Variants in LAMA3 observed in about 807,000 individuals in gnomAD.
The protein encoded by LAMA3 is laminin subunit alpha 3, also known as laminin subunit alpha-3.
In LAMA3, 281 loss-of-function variants were observed where a neutral mutation model predicts 402.0. The ratio of observed to expected loss-of-function variants is 0.70; its 90% CI spans 0.63 to 0.77. The LOEUF (loss-of-function observed/expected upper bound fraction) is 0.77, where lower values mean the gene tolerates loss of function less well. LAMA3 is among the 30% of genes least tolerant of loss of function. The pLI is 0.00. For missense variants in LAMA3, 3,840 were observed against 4,215.5 expected (o/e 0.91, Z 2.47); for synonymous variants, 1,431 against 1,558.4 (o/e 0.92, Z 1.93).
At chr18:23,815,625 T>C in intron 17 of LAMA3, 52 bp downstream of exon 17, 1 of 1,186,018 alleles carries the variant, frequency 8.4e-7, no homozygotes, top group South Asian at 1.2e-5. Context: ...TGGACAAAGA[T>C]GGTCTAAATA....
intron 60 of LAMA3, among the ~76,000 whole-genome samples, chr18:23,917,162 C>T (rs1201316388): frequency 1.3e-5 from 2 of 152,122 alleles, no homozygotes; most frequent in Admixed American, 1.3e-4. Flanking sequence ...AGGATTATGG[C>T]CTCCAGCTTC....
At chr18:23,914,325 T>A in intron 56 of LAMA3, 85 bp from the exon 57 acceptor site, 1 of 1,432,914 alleles carries the variant, frequency 7.0e-7, no homozygotes, top group Non-Finnish European at 9.8e-7. Context: ...ACCCATTAGT[T>A]ATTTGAAATG....
intron 19 of LAMA3, 117 bp from the exon 20 acceptor site, chr18:23,822,135 G>GTA: frequency 9.4e-7 from 1 of 1,067,058 alleles, no homozygotes; most frequent in African/African-American, 1.6e-5. Context: ...GTATGTGTGT[G>GTA]TATGTGTGTA....
chr18:23,921,570 T>C lies in LAMA3; in HGVS notation c.8162T>C (p.Ile2721Thr), dbSNP rs144798744. 104 of 1,613,848 alleles carry C rather than the reference T, an allele frequency of 6.4e-5. No homozygotes were observed. Among genetic ancestry groups the C allele is most frequent in the Admixed American group, 8.3e-5 (5 of 59,998 alleles). The change falls in exon 62 of 75, where the codon ATT (isoleucine) becomes ACT (threonine). Residue 2721 changes from isoleucine to threonine, a missense_variant. Transcript: ENST00000313654. ...ACATATTATCTGGGAGGAATTCCAA[T>C]TGCAATCAGGGAAAGGTAAGATGAT... ...FSTYYLGGIP[I>T]AIRERFNIST...
At position 23,842,501 on chromosome 18, in the gene LAMA3, A is replaced by T. The variant is rs751414010; in HGVS notation, c.3443A>T (p.Asp1148Val). ...ACGTTTCCCGCGCAGGTGTCGGTGG[A>T]TGGCGGGTGGCCACGGGCAGGTGAG... ...HPTFPAQVSV[D>V]GGWPRAGSFH... The change falls in exon 28 of 75, where the codon GAT becomes GTT. Residue 1148 changes from aspartate to valine, a missense_variant. Physicochemically the swap from Asp to Val is radical, Grantham distance 152. Coordinates refer to ENST00000313654, the MANE Select transcript of LAMA3 (RefSeq NM_198129.4). The T allele has an allele frequency of 2.5e-6, 4 of 1,614,188 alleles. 1 individual carries two copies. The South Asian group carries it at 4.4e-5, about 18-fold the overall frequency.
Position 23,838,701 on chromosome 18 carries a change from T to A in LAMA3, c.3094-80T>A, listed in dbSNP as rs148416963. On this transcript the variant is annotated intron_variant, in intron 25 of 74. Coordinates refer to ENST00000313654, the MANE Select transcript of LAMA3 (RefSeq NM_198129.4). ...GATAAATCCTTTACTTAATAGCTTT[T>A]TTAAAAGGGTGTTTTTGGCCATACC... 140 of 784,440 alleles carry A rather than the reference T, an allele frequency of 1.8e-4. No individual in the cohort carries two copies. In the African/African-American group the frequency reaches 1.8e-3, roughly 10 times the overall value. 48.6% of individuals were successfully genotyped at this position (784,440 alleles called of 1,614,324 possible).
intron 7 of LAMA3, among the ~76,000 whole-genome samples, chr18:23,763,053 C>T (rs2062003643): frequency 6.6e-6 from 1 of 152,084 alleles, no homozygotes; most frequent in East Asian, 1.9e-4. Flanking sequence ...GACAGGGTTT[C>T]ACCATATTGG....
At chr18:23,925,267 C>T (rs1173495696) in intron 62 of LAMA3, among the ~76,000 whole-genome samples, 1 of 152,224 alleles carries the variant, frequency 6.6e-6, no homozygotes, top group Non-Finnish European at 1.5e-5. Flanking sequence ...TTTCTTCCCC[C>T]TCTCACTGTA....
At chr18:23,740,798 A>C (rs1411956028) in intron 2 of LAMA3, among the ~76,000 whole-genome samples, 1 of 152,098 alleles carries the variant, frequency 6.6e-6, no homozygotes, top group Non-Finnish European at 1.5e-5. Flanking sequence ...TTCCCCTCAG[A>C]ATGAGATGCT....
chr18:23,742,525 A>G (rs1238137625), intron 2 of LAMA3, among the ~76,000 whole-genome samples: 1 of 152,222 alleles, frequency 6.6e-6, no homozygotes, highest in Non-Finnish European at 1.5e-5. Context: ...TATCCATAAA[A>G]TTTCTTAGAC....
At chr18:23,934,847 T>A (rs1339399775) in intron 67 of LAMA3, among the ~76,000 whole-genome samples, 1 of 152,256 alleles carries the variant, frequency 6.6e-6, no homozygotes, top group Non-Finnish European at 1.5e-5. Flanking sequence ...CCACTTAATG[T>A]CAACCACGTG....
chr18:23,909,208 C>G lies in LAMA3; in HGVS notation c.7071C>G (p.Asn2357Lys). ...TTTGGCGCAAGATTGAAAGTATCAA[C>G]CAACAGCTGTTGCCCTTGGGAAACA... Reference protein sequence around the residue: ...PDLWRKIESINQQLLPLGNIS... With the variant: ...PDLWRKIESIKQQLLPLGNIS... Residue 2357 changes from asparagine (N) to lysine (K), a missense_variant, in exon 55 of 75, where the codon AAC becomes AAG. By Grantham distance (94) the Asn-to-Lys change is moderately conservative. This residue lies in a region of LAMA3 where 891 missense variants were observed against 857.5 expected (regional missense o/e 1.04). Coordinates refer to ENST00000313654, the MANE Select transcript of LAMA3 (RefSeq NM_198129.4). 1 of 1,613,910 alleles carries G rather than the reference C, an allele frequency of 6.2e-7. No homozygotes were observed.
At chr18:23,885,969 G>T (rs1490795540) in intron 41 of LAMA3, among the ~76,000 whole-genome samples, 1 of 151,488 alleles carries the variant, frequency 6.6e-6, no homozygotes, top group Non-Finnish European at 1.5e-5. Context: ...TTTCTGTTTT[G>T]ACTTGTTTTC....
At position 23,724,128 on chromosome 18, in the gene LAMA3, A is replaced by G. The variant is rs554953856; in HGVS notation, c.447+10056A>G. Reference sequence around the variant, plus strand: ...TCTCACATATGAACGAGAACATACGATATTTGGTTTTCCATTCCTAAGTTA... The same window carrying G: ...TCTCACATATGAACGAGAACATACGGTATTTGGTTTTCCATTCCTAAGTTA... On this transcript the variant is annotated intron_variant, in intron 2 of 74. Coordinates refer to ENST00000313654, the MANE Select transcript of LAMA3 (RefSeq NM_198129.4). Among the ~76,000 whole-genome samples the G allele has an allele frequency of 1.6e-3, 237 of 152,272 alleles. 2 individuals are homozygous for G. The highest frequency in any genetic ancestry group is 6.8e-3 in the Middle Eastern group (2 of 294).
intron 27 of LAMA3, among the ~76,000 whole-genome samples, chr18:23,840,497 C>T (rs954853844): frequency 6.7e-6 from 1 of 149,622 alleles, no homozygotes; most frequent in Admixed American, 6.7e-5. Flanking sequence ...ATTCTCCCAT[C>T]TCGGCCTCCC....
intron 11 of LAMA3, among the ~76,000 whole-genome samples, chr18:23,778,530 G>A (rs994600825): frequency 1.7e-4 from 26 of 152,308 alleles, no homozygotes; most frequent in African/African-American, 5.8e-4. Context: ...AGGCCTCTGC[G>A]CTGGGTTCCA....
At position 23,718,271 on chromosome 18, in the gene LAMA3, C is replaced by A. The variant is rs550236858; in HGVS notation, c.447+4199C>A. Among the ~76,000 whole-genome samples the A allele has an allele frequency of 2.6e-5, 4 of 152,176 alleles. No individual in the cohort carries two copies. The South Asian group carries it at 6.2e-4, about 24-fold the overall frequency. On this transcript the variant is annotated intron_variant, in intron 2 of 74. Transcript: ENST00000313654. ...AAACTCCAGAGTTCTATTCTATGGG[C>A]TCCCTATGTTCACCTTCCAGCTCCC...
intron 6 of LAMA3, among the ~76,000 whole-genome samples, chr18:23,754,062 A>G (rs1199663712): frequency 6.6e-6 from 1 of 152,180 alleles, no homozygotes; most frequent in East Asian, 1.9e-4. Flanking sequence ...CCCAGCCACC[A>G]GATCACCCCC....
chr18:23,945,717 G>A (rs1272104791), intron 69 of LAMA3, among the ~76,000 whole-genome samples: 1 of 152,136 alleles, frequency 6.6e-6, no homozygotes, highest in East Asian at 1.9e-4. Flanking sequence ...GAAGAGAAGT[G>A]CCCTCGTTCT....
Sources: gnomAD v4.1 joint callset for allele counts (sites outside exome capture counted in the v4.1 genomes callset) on GRCh38, gnomAD v4.1.1 for gene constraint, gnomAD v4.1.1 regional missense constraint, MANE v1.5 for transcripts, NCBI Gene and HGNC (gene_info 2026-07-23, HGNC 2026-07-21) for gene names.